Variants in CAMK2D observed in about 807,000 individuals in gnomAD.
The protein encoded by CAMK2D is calcium/calmodulin-dependent protein kinase type II subunit delta.
Under a neutral mutation model 84.0 loss-of-function variants are expected in CAMK2D, and 37 were observed. The ratio of observed to expected loss-of-function variants is 0.44; its 90% confidence interval spans 0.34 to 0.58. CAMK2D has a LOEUF of 0.58. Among genes scored for constraint, CAMK2D ranks in the 20% least tolerant of loss-of-function variants. The probability of loss-of-function intolerance (pLI) is 0.02; values close to 1 mark genes in which losing one functional copy is unlikely to be tolerated. For missense variants in CAMK2D, 448 were observed against 652.5 expected (o/e 0.69, Z 3.41); for synonymous variants, 202 against 212.5 (o/e 0.95, Z 0.43).
At chr4:113,632,649 G>A (rs1287117366) in intron 3 of CAMK2D, among the ~76,000 whole-genome samples, 1 of 152,068 alleles carries the variant, frequency 6.6e-6, no homozygotes, top group African/African-American at 2.4e-5. Flanking sequence ...ATCAAAGGAG[G>A]CAGAGAGAGC....
At chr4:113,757,000 C>T (rs182622289) in intron 2 of CAMK2D, among the ~76,000 whole-genome samples, 167 of 152,186 alleles carry the variant, frequency 1.1e-3, no homozygotes, top group African/African-American at 3.8e-3. Flanking sequence ...TGACACAATA[C>T]TTTGCAGTTT....
intron 2 of CAMK2D, among the ~76,000 whole-genome samples, chr4:113,755,681 T>C (rs1475588426): frequency 6.6e-6 from 1 of 152,008 alleles, no homozygotes; most frequent in Non-Finnish European, 1.5e-5. Flanking sequence ...CACTGGATTC[T>C]GAACTGCAGT....
chr4:113,636,143 C>T (rs900617604), intron 3 of CAMK2D, among the ~76,000 whole-genome samples: 1 of 152,164 alleles, frequency 6.6e-6, no homozygotes, highest in African/African-American at 2.4e-5. Context: ...ATCTTCCCAT[C>T]ACAACATTCT....
chr4:113,522,044 C>T (rs1425620701), intron 8 of CAMK2D, among the ~76,000 whole-genome samples: 8 of 150,592 alleles, frequency 5.3e-5, no homozygotes, highest in Non-Finnish European at 4.4e-5. Context: ...TAGAGATGTC[C>T]GGTTAATAAG....
intron 9 of CAMK2D, 137 bp downstream of exon 9, chr4:113,517,426 C>T (rs1474374491): frequency 4.5e-6 from 2 of 445,232 alleles, no homozygotes; most frequent in Admixed American, 7.1e-5. Flanking sequence ...TTCTTTCTCC[C>T]TTTCCTTAAG....
At chr4:113,636,888 A>T (rs745804284) in intron 3 of CAMK2D, among the ~76,000 whole-genome samples, 1 of 152,152 alleles carries the variant, frequency 6.6e-6, no homozygotes, top group Non-Finnish European at 1.5e-5. Context: ...ACTCAGATGG[A>T]AAGTAAAGGT....
intron 2 of CAMK2D, among the ~76,000 whole-genome samples, chr4:113,720,238 T>G (rs2099526217): frequency 6.6e-6 from 1 of 152,032 alleles, no homozygotes; most frequent in Non-Finnish European, 1.5e-5. Flanking sequence ...TGCCACCAGT[T>G]AAAGGGTTCT....
chr4:113,672,495 T>G (rs1156719944), intron 2 of CAMK2D, among the ~76,000 whole-genome samples: 1 of 152,170 alleles, frequency 6.6e-6, no homozygotes, highest in African/African-American at 2.4e-5. Flanking sequence ...CTAGCTGTTT[T>G]GGAAGATGAA....
intron 1 of CAMK2D, among the ~76,000 whole-genome samples, chr4:113,760,545 G>C (rs1026118651): frequency 2.0e-5 from 3 of 152,178 alleles, no homozygotes; most frequent in Non-Finnish European, 4.4e-5. Context: ...CTGAGGCTGT[G>C]AGTTCTCATC....
intron 2 of CAMK2D, among the ~76,000 whole-genome samples, chr4:113,673,104 G>A (rs2099299422): frequency 6.6e-6 from 1 of 152,092 alleles, no homozygotes; most frequent in African/African-American, 2.4e-5. Context: ...GACTACTCAG[G>A]ATAGAGTGGT....
At chr4:113,552,157 G>C in intron 4 of CAMK2D, 61 bp from the exon 5 acceptor site, 1 of 922,852 alleles carries the variant, frequency 1.1e-6, no homozygotes, top group African/African-American at 1.7e-5. Flanking sequence ...AGCATCAATA[G>C]ATTTGCAAAT....
intron 3 of CAMK2D, among the ~76,000 whole-genome samples, chr4:113,611,047 A>AACACAC (rs141563975): frequency 1.3e-3 from 187 of 148,728 alleles, no homozygotes; most frequent in Non-Finnish European, 2.4e-3. Context: ...ATATACACAT[A>AACACAC]ACACACACAC....
At chr4:113,638,276 ATG>A (rs143627903) in intron 3 of CAMK2D, among the ~76,000 whole-genome samples, 1 of 151,810 alleles carries the variant, frequency 6.6e-6, no homozygotes, top group African/African-American at 2.4e-5. Flanking sequence ...GTGTGTGTGT[ATG>A]TGTGTGTGTG....
chr4:113,475,408 A>C (rs1300977538), intron 16 of CAMK2D, among the ~76,000 whole-genome samples: 2 of 152,226 alleles, frequency 1.3e-5, no homozygotes, highest in Admixed American at 1.3e-4. Context: ...ATTTTTTGAG[A>C]AAGAACTAGG....
intron 16 of CAMK2D, among the ~76,000 whole-genome samples, chr4:113,494,251 T>G (rs2097892099): frequency 6.6e-6 from 1 of 152,242 alleles, no homozygotes; most frequent in Non-Finnish European, 1.5e-5. Context: ...CTTTTCTGTT[T>G]TTTCCCCAAC....
intron 12 of CAMK2D, 111 bp from the exon 13 acceptor site, chr4:113,509,786 C>A: frequency 1.4e-6 from 1 of 723,358 alleles, no homozygotes; most frequent in South Asian, 1.6e-5. Context: ...GAGTTCTGGC[C>A]AACATATGGC....
At position 113,630,550 on chromosome 4, in the gene CAMK2D, C is replaced by G. The variant is rs537900290; in HGVS notation, c.221-21344G>C. Among the ~76,000 whole-genome samples, 208 of 152,266 alleles carry G rather than the reference C, an allele frequency of 1.4e-3. 1 individual carries two copies. Among genetic ancestry groups the G allele is most frequent in the African/African-American group, 4.8e-3 (198 of 41,578 alleles). ...AAAGTCCCAAGACTAAGCTTCAGAA[C>G]TAGCCTGATGGAAAAACAGCTGCCG... On this transcript the variant is annotated intron_variant, in intron 3 of 20. Coordinates refer to ENST00000511664, the MANE Select transcript of CAMK2D (RefSeq NM_001321571.2).
At chr4:113,640,539 C>A (rs979931402) in intron 3 of CAMK2D, among the ~76,000 whole-genome samples, 2 of 152,076 alleles carry the variant, frequency 1.3e-5, no homozygotes, top group Non-Finnish European at 2.9e-5. Context: ...GGTAAATAGT[C>A]CTAACAAAAC....
intron 3 of CAMK2D, among the ~76,000 whole-genome samples, chr4:113,632,929 A>G (rs1037196161): frequency 5.3e-5 from 8 of 152,226 alleles, no homozygotes; most frequent in African/African-American, 1.9e-4. Flanking sequence ...GAAATAATCT[A>G]TTCCTAGGCA....
Sources: gnomAD v4.1 joint callset for allele counts (sites outside exome capture counted in the v4.1 genomes callset) on GRCh38, gnomAD v4.1.1 for gene constraint, MANE v1.5 for transcripts, NCBI Gene and HGNC (gene_info 2026-07-23, HGNC 2026-07-21) for gene names.